ELP4: variants seen among roughly 807,000 people sequenced by gnomAD.
The protein encoded by ELP4 is elongator acetyltransferase complex subunit 4.
ELP4 carries 51 observed loss-of-function variants against 48.9 expected under a neutral mutation model. The observed-to-expected ratio is 1.04, with a 90% CI of 0.83 to 1.32. The LOEUF (loss-of-function observed/expected upper bound fraction) is 1.32, where lower values mean the gene tolerates loss of function less well. Ranked by LOEUF, ELP4 falls within the 40% of genes most tolerant of loss-of-function variation. The pLI is 0.00. For missense variants in ELP4, 519 were observed against 514.6 expected, an observed-to-expected ratio of 1.01 and a Z score of -0.08; for synonymous variants, 210 against 189.2, an observed-to-expected ratio of 1.11 and a Z score of -0.90.
intron 3 of ELP4, among the ~76,000 whole-genome samples, chr11:31,577,040 C>T (rs796372441): frequency 1.8e-4 from 27 of 152,064 alleles, no homozygotes; most frequent in African/African-American, 6.5e-4. Flanking sequence ...ATTGATAAGC[C>T]ACTAGCAAGA....
rs1946083065 is a variant in ELP4, at chr11:31,682,880, A to G, written c.1143+32659A>G. ...ACTATCAAATATTTATGTACTCATCACTTTCTATTTATATTATTACTTATT... is the reference window on the plus strand; with the variant it reads ...ACTATCAAATATTTATGTACTCATCGCTTTCTATTTATATTATTACTTATT... On this transcript the variant is annotated intron_variant, in intron 9 of 9. Coordinates refer to ENST00000640961, the MANE Select transcript of ELP4 (RefSeq NM_019040.5). Among the ~76,000 whole-genome samples the G allele has an allele frequency of 2.0e-5, 3 of 152,086 alleles. 1 individual carries two copies. In the South Asian group the frequency reaches 6.2e-4, roughly 31 times the overall value.
Position 31,639,647 on chromosome 11 carries a change from ACTTTGT to A in ELP4, c.927+7249_927+7254del, listed in dbSNP as rs372133937. Among the ~76,000 whole-genome samples, 948 of 152,042 alleles carry A rather than the reference ACTTTGT, an allele frequency of 6.2e-3. 9 individuals carry two copies. Among genetic ancestry groups the A allele is most frequent in the African/African-American group, 0.021 (890 of 41,542 alleles). The stretch of plus-strand genomic sequence containing the variant: ...TATTAAGCATAGTAGTATATGTATA[ACTTTGT>A]CTTTGTGTAAATATGCATATTGAAT... On this transcript the variant is annotated intron_variant, in intron 7 of 9. Transcript: ENST00000640961.
At position 31,739,806 on chromosome 11, in the gene ELP4, A is replaced by T. The variant is rs1244906875; in HGVS notation, c.1144-43587A>T. 1.4e-4 allele frequency among the ~76,000 whole-genome samples: 21 copies of T among 152,228 alleles called. 1 individual carries two copies. Among genetic ancestry groups the T allele is most frequent in the Admixed American group, 1.4e-3 (21 of 15,288 alleles). On this transcript the variant is annotated intron_variant, in intron 9 of 9. Coordinates refer to ENST00000640961, the MANE Select transcript of ELP4 (RefSeq NM_019040.5). ...AAAGCAAGCACACAATTGTCAGACC[A>T]CAAGGAAGTCCATAATTTCCATTAC... is the stretch of plus-strand genomic sequence containing the variant.
At chr11:31,611,797 A>G (rs1957985398) in intron 5 of ELP4, among the ~76,000 whole-genome samples, 1 of 152,202 alleles carries the variant, frequency 6.6e-6, no homozygotes, top group Admixed American at 6.5e-5. Context: ...TTTTTAAACA[A>G]GCAAACAAAT....
At chr11:31,538,018 T>G (rs1376903426) in intron 2 of ELP4, among the ~76,000 whole-genome samples, 1 of 152,178 alleles carries the variant, frequency 6.6e-6, no homozygotes, top group Non-Finnish European at 1.5e-5. Flanking sequence ...TATTTAGGTC[T>G]TCTATACTCT....
At chr11:31,598,231 G>T (rs566777348) in intron 4 of ELP4, among the ~76,000 whole-genome samples, 1 of 152,140 alleles carries the variant, frequency 6.6e-6, no homozygotes, top group East Asian at 1.9e-4. Flanking sequence ...TGGGATTACA[G>T]GTGTGAGCCA....
In ELP4 at chr11:31,647,667, C is replaced by T. The variant is rs1945231117; in HGVS notation, c.928-74C>T. The T allele has an allele frequency of 3.3e-6, 3 of 902,482 alleles. No homozygotes were observed. The Admixed American group carries it at 5.5e-5, about 17-fold the overall frequency. 55.9% of individuals were successfully genotyped at this position (902,482 alleles called of 1,614,324 possible). On this transcript the variant is annotated intron_variant, in intron 7 of 9. Transcript: ENST00000640961. ...TCCACTACAGTTTTTCATGAGATGG[C>T]ATAGGGATATTTTATAGATATTATA...
chr11:31,587,019 G>C (rs1391988982), intron 3 of ELP4, among the ~76,000 whole-genome samples: 2 of 151,976 alleles, frequency 1.3e-5, no homozygotes, highest in Non-Finnish European at 2.9e-5. Context: ...ACCTTGTCAG[G>C]GAGAGCTTCC....
chr11:31,585,238 TAAG>T (rs1297418136), intron 3 of ELP4, among the ~76,000 whole-genome samples: 2 of 152,262 alleles, frequency 1.3e-5, no homozygotes, highest in Non-Finnish European at 2.9e-5. Context: ...AGGATAATCT[TAAG>T]AATTAATTAG....
Position 31,785,180 on chromosome 11 carries a change from T to C in ELP4, c.*1656T>C, listed in dbSNP as rs1002771628. ...TAGATAATAAATAATGTTGTGCGGA[T>C]ACTCCACAAAAGCTCTGCTATGTCC... On this transcript the variant is annotated 3_prime_UTR_variant, in exon 10 of 10. Coordinates refer to ENST00000640961, the MANE Select transcript of ELP4 (RefSeq NM_019040.5). The C allele has an allele frequency of 5.4e-5, 10 of 183,522 alleles. No homozygotes were observed. The East Asian group carries it at 8.9e-4, about 16-fold the overall frequency. The allele number at this position is 183,522 out of a possible 1,614,324, so 11.4% of individuals were successfully genotyped here.
chr11:31,522,066 T>C (rs1273025772), intron 2 of ELP4, among the ~76,000 whole-genome samples: 1 of 152,138 alleles, frequency 6.6e-6, no homozygotes, highest in Non-Finnish European at 1.5e-5. Flanking sequence ...AAAATATGTC[T>C]TATGAGATAC....
intron 1 of ELP4, among the ~76,000 whole-genome samples, chr11:31,515,423 G>A (rs1956093298): frequency 6.6e-6 from 1 of 152,136 alleles, no homozygotes; most frequent in Non-Finnish European, 1.5e-5. Flanking sequence ...CAAGGCTGGA[G>A]GCTAGTTTGA....
chr11:31,639,331 A>C (rs1224555525), intron 7 of ELP4, among the ~76,000 whole-genome samples: 2 of 151,936 alleles, frequency 1.3e-5, no homozygotes, highest in African/African-American at 4.8e-5. Flanking sequence ...CATCATATTT[A>C]TCAAATTCCA....
intron 9 of ELP4, among the ~76,000 whole-genome samples, chr11:31,737,615 C>A (rs891535539): frequency 1.3e-5 from 2 of 152,010 alleles, no homozygotes; most frequent in Non-Finnish European, 2.9e-5. Flanking sequence ...ATATAGAGAA[C>A]GCCTATAACT....
chr11:31,660,062 ATT>A (rs1945521958), intron 9 of ELP4, among the ~76,000 whole-genome samples: 1 of 152,196 alleles, frequency 6.6e-6, no homozygotes, highest in African/African-American at 2.4e-5. Context: ...GTTGTATTTA[ATT>A]ACATTTCTTG....
chr11:31,688,504 G>A (rs994812563), intron 9 of ELP4, among the ~76,000 whole-genome samples: 1 of 152,062 alleles, frequency 6.6e-6, no homozygotes, highest in Non-Finnish European at 1.5e-5. Context: ...AGTCTTACCA[G>A]GTATATTGGA....
intron 9 of ELP4, among the ~76,000 whole-genome samples, chr11:31,705,130 T>C (rs949349281): frequency 6.6e-6 from 1 of 152,176 alleles, no homozygotes; most frequent in African/African-American, 2.4e-5. Flanking sequence ...GGGTAATTTA[T>C]AAAGAACAGA....
intron 7 of ELP4, among the ~76,000 whole-genome samples, chr11:31,643,044 A>G (rs141845483): frequency 1.1e-3 from 163 of 151,952 alleles, no homozygotes; most frequent in African/African-American, 3.5e-3. Flanking sequence ...TTCTCTGCAT[A>G]TCATTTTTCA....
chr11:31,716,864 A>G (rs937498166), intron 9 of ELP4, among the ~76,000 whole-genome samples: 2 of 152,258 alleles, frequency 1.3e-5, no homozygotes, highest in Admixed American at 6.5e-5. Flanking sequence ...AATTGATGCC[A>G]AGTGCAGTAA....
Sources: gnomAD v4.1 joint callset for allele counts (sites outside exome capture counted in the v4.1 genomes callset) on GRCh38, gnomAD v4.1.1 for gene constraint, MANE v1.5 for transcripts, NCBI Gene and HGNC (gene_info 2026-07-23, HGNC 2026-07-21) for gene names.